ABTB3: variants seen among roughly 807,000 people sequenced by gnomAD.
ABTB3 encodes the protein ankyrin repeat and BTB domain containing 3, also known as ankyrin repeat- and BTB/POZ domain-containing protein 3.
At chr12:107,369,392 G>GTTT in the ABTB3 span, among the ~76,000 whole-genome samples, 630 of 134,856 alleles carry the variant, frequency 4.7e-3, 7 homozygotes, top group African/African-American at 6.2e-3. Context: ...TCAAACAAGG[G>GTTT]TTTTTTTTTT....
the ABTB3 span, among the ~76,000 whole-genome samples, chr12:107,648,102 C>T: frequency 7.9e-5 from 12 of 152,190 alleles, no homozygotes; most frequent in African/African-American, 2.9e-4. Context: ...CAATAGGGGC[C>T]GGGCACAGTG....
chr12:107,464,224 TG>T, the ABTB3 span, among the ~76,000 whole-genome samples: 1 of 143,198 alleles, frequency 7.0e-6, no homozygotes, highest in Non-Finnish European at 1.5e-5. Context: ...TGTGTGTGTG[TG>T]TGTGTGTGTG....
the ABTB3 span, among the ~76,000 whole-genome samples, chr12:107,596,693 T>C: frequency 2.6e-5 from 4 of 152,146 alleles, no homozygotes; most frequent in Admixed American, 6.5e-5. Context: ...TGGGATTGCA[T>C]TGGCCAAAAC....
At chr12:107,385,791 G>A in the ABTB3 span, among the ~76,000 whole-genome samples, 197 of 152,290 alleles carry the variant, frequency 1.3e-3, 1 homozygote, top group East Asian at 6.2e-3. Context: ...GAGAATGGGC[G>A]TTCTCTGGCA....
At chr12:107,343,924 A>G in the ABTB3 span, among the ~76,000 whole-genome samples, 1 of 152,128 alleles carries the variant, frequency 6.6e-6, no homozygotes, top group Non-Finnish European at 1.5e-5. Context: ...TCACCTCCCA[A>G]CAGGTGCCTC....
At chr12:107,574,899 C>T in the ABTB3 span, among the ~76,000 whole-genome samples, 5 of 152,280 alleles carry the variant, frequency 3.3e-5, no homozygotes, top group African/African-American at 7.2e-5. Flanking sequence ...AAACCACCCT[C>T]GTGGGCAGTT....
chr12:107,446,813 G>A, the ABTB3 span, among the ~76,000 whole-genome samples: 1 of 152,186 alleles, frequency 6.6e-6, no homozygotes, highest in African/African-American at 2.4e-5. Context: ...GGCATGCTGT[G>A]TGGCTCTGGG....
chr12:107,628,049 C>T, the ABTB3 span, among the ~76,000 whole-genome samples: 1 of 152,268 alleles, frequency 6.6e-6, no homozygotes, highest in Non-Finnish European at 1.5e-5. Context: ...AGCCCACCCT[C>T]CACCTGCCTC....
chr12:107,474,489 G>T, the ABTB3 span, among the ~76,000 whole-genome samples: 1 of 152,204 alleles, frequency 6.6e-6, no homozygotes, highest in African/African-American at 2.4e-5. Context: ...CTTGAGCAAA[G>T]ATTAAGAAAT....
At chr12:107,370,757 A>ATT in the ABTB3 span, among the ~76,000 whole-genome samples, 1,211 of 87,458 alleles carry the variant, frequency 0.014, 19 homozygotes, top group Non-Finnish European at 0.021. Context: ...CAAAAAAGGG[A>ATT]TTTTTTTTTT....
the ABTB3 span, among the ~76,000 whole-genome samples, chr12:107,566,900 C>T: frequency 5.3e-5 from 8 of 152,080 alleles, no homozygotes; most frequent in African/African-American, 1.4e-4. Context: ...ATCACTTGAG[C>T]CCAGGAGTTC....
chr12:107,493,156 T>C, the ABTB3 span, among the ~76,000 whole-genome samples: 1 of 151,778 alleles, frequency 6.6e-6, no homozygotes, highest in Non-Finnish European at 1.5e-5. Flanking sequence ...AGGCATCACC[T>C]GGGGACCGAG....
chr12:107,441,235 A>T, the ABTB3 span, among the ~76,000 whole-genome samples: 1 of 152,214 alleles, frequency 6.6e-6, no homozygotes, highest in Non-Finnish European at 1.5e-5. Context: ...GATAGACTGG[A>T]TAAAGAAAAT....
the ABTB3 span, among the ~76,000 whole-genome samples, chr12:107,324,628 A>G: frequency 4.6e-5 from 7 of 152,210 alleles, no homozygotes; most frequent in African/African-American, 1.7e-4. Context: ...AGGTATATGC[A>G]TTTGTCAAAC....
chr12:107,452,115 A>G, the ABTB3 span, among the ~76,000 whole-genome samples: 1 of 152,022 alleles, frequency 6.6e-6, no homozygotes, highest in Non-Finnish European at 1.5e-5. Flanking sequence ...TTGAGCACTG[A>G]CTATGTGCCA....
chr12:107,600,222 C>G, the ABTB3 span, among the ~76,000 whole-genome samples: 1 of 152,162 alleles, frequency 6.6e-6, no homozygotes, highest in Non-Finnish European at 1.5e-5. Flanking sequence ...AGTGCCAGCT[C>G]CATCACCTAC....
chr12:107,596,375 G>T, the ABTB3 span, among the ~76,000 whole-genome samples: 1 of 152,192 alleles, frequency 6.6e-6, no homozygotes, highest in Admixed American at 6.5e-5. Context: ...GCACTTTGGA[G>T]GTCAAGGTGG....
the ABTB3 span, among the ~76,000 whole-genome samples, chr12:107,385,866 C>G: frequency 1.3e-5 from 2 of 152,220 alleles, no homozygotes; most frequent in Admixed American, 1.3e-4. Context: ...CTCCTGCCAT[C>G]CTCACCGACA....
At chr12:107,649,375 C>G in the ABTB3 span, 5 of 1,132,176 alleles carry the variant, frequency 4.4e-6, no homozygotes, top group Non-Finnish European at 2.7e-6. Context: ...CTGGAAGGAC[C>G]CGTGTTGGGT....
Sources: gnomAD v4.1 joint callset for allele counts (sites outside exome capture counted in the v4.1 genomes callset) on GRCh38, gnomAD v4.1.1 for gene constraint, MANE v1.5 for transcripts, NCBI Gene and HGNC (gene_info 2026-07-23, HGNC 2026-07-21) for gene names.